Variants in MAN1A2 observed in about 807,000 individuals in gnomAD.
MAN1A2 encodes mannosidase alpha class 1A member 2, also known as mannosyl-oligosaccharide 1,2-alpha-mannosidase IB.
MAN1A2 carries 26 observed loss-of-function variants against 75.7 expected under a neutral mutation model. That is an observed-to-expected ratio of 0.34 (90% confidence interval 0.25 to 0.48). The LOEUF is 0.48. Ranked by LOEUF, MAN1A2 falls within the 20% of genes least tolerant of loss-of-function variation. MAN1A2 has a pLI of 0.99. For synonymous variants in MAN1A2, 247 were observed against 264.6 expected (o/e 0.93, Z 0.65); for missense variants, 562 against 775.5 (o/e 0.72, Z 3.27).
intron 5 of MAN1A2, among the ~76,000 whole-genome samples, chr1:117,438,203 T>C (rs1372735952): frequency 6.6e-6 from 1 of 152,188 alleles, no homozygotes; most frequent in Non-Finnish European, 1.5e-5. Flanking sequence ...ATCCTGACCC[T>C]GTGTAGGCCT....
At chr1:117,487,485 G>T (rs1650748703) in intron 8 of MAN1A2, among the ~76,000 whole-genome samples, 1 of 151,982 alleles carries the variant, frequency 6.6e-6, no homozygotes, top group Non-Finnish European at 1.5e-5. Context: ...AAAACTAAAA[G>T]CTATACAAGA....
Position 117,384,543 on chromosome 1 carries a change from C to T in MAN1A2, c.302+16058C>T, listed in dbSNP as rs564238555. Among the ~76,000 whole-genome samples, 8 of 152,226 alleles carry T rather than the reference C, an allele frequency of 5.3e-5. No individual in the cohort carries two copies. In the South Asian group the frequency reaches 1.7e-3, roughly 32 times the overall value. ...ATGTGGTCTGTCCTGGAGAATATTT[C>T]ATATGCACTTGAGAAGAATGTCTGT... On this transcript the variant is annotated intron_variant, in intron 1 of 12. Transcript: ENST00000356554.
chr1:117,465,616 A>G (rs1649957571), intron 7 of MAN1A2, among the ~76,000 whole-genome samples: 1 of 152,130 alleles, frequency 6.6e-6, no homozygotes, highest in African/African-American at 2.4e-5. Context: ...ATCAAATGTA[A>G]TGACAATATT....
chr1:117,474,184 A>G (rs1350545363), intron 8 of MAN1A2, among the ~76,000 whole-genome samples: 1 of 151,962 alleles, frequency 6.6e-6, no homozygotes, highest in African/African-American at 2.4e-5. Context: ...AAAGGATCCA[A>G]ACTTATTTGA....
At chr1:117,396,982 G>A (rs1653923746) in intron 1 of MAN1A2, among the ~76,000 whole-genome samples, 1 of 151,766 alleles carries the variant, frequency 6.6e-6, no homozygotes, top group Non-Finnish European at 1.5e-5. Flanking sequence ...GTGAGGCATG[G>A]GCAGAGATGG....
chr1:117,499,500 A>G lies in MAN1A2; in HGVS notation c.1623A>G (p.Leu541=), dbSNP rs145127835. Residue 541 remains leucine (L), a synonymous_variant, in exon 11 of 13, where the codon CTA becomes CTG. Transcript: ENST00000356554. ...AAGTAATTGAAACCTATTGGTACCT[A>G]TGGCGATTCACTCACGATCCAAGAT... ...RPEVIETYWY[L]WRFTHDPRYR... is the part of the protein sequence containing the mutation. 1.2e-6 allele frequency: 2 copies of G among 1,608,196 alleles called. No homozygotes were observed. Among genetic ancestry groups the G allele is most frequent in the South Asian group, 2.2e-5 (2 of 90,394 alleles).
rs890115550 is a variant in MAN1A2 at position 117,525,181 on chromosome 1, G to A, written c.*2224G>A. ...CTGAAGCTTAAGAGAAGGCAGGGAA[G>A]TATACAAGCAGAGCCAGTTCTGGTA... On this transcript the variant is annotated 3_prime_UTR_variant, in exon 13 of 13. Transcript: ENST00000356554. 1.9e-6 allele frequency: 1 copy of A among 514,924 alleles called. No individual in the cohort carries two copies. The highest frequency in any genetic ancestry group is 4.0e-6 in the Non-Finnish European group (1 of 250,346). 31.9% of individuals were successfully genotyped at this position (514,924 alleles called of 1,614,324 possible).
chr1:117,374,710 GTTC>G (rs2101717401), intron 1 of MAN1A2, among the ~76,000 whole-genome samples: 1 of 152,240 alleles, frequency 6.6e-6, no homozygotes, highest in Admixed American at 6.5e-5. Flanking sequence ...GTGCCTCGAT[GTTC>G]TTATTTATGA....
intron 5 of MAN1A2, among the ~76,000 whole-genome samples, chr1:117,437,523 G>T (rs1648884091): frequency 6.6e-6 from 1 of 152,102 alleles, no homozygotes; most frequent in African/African-American, 2.4e-5. Flanking sequence ...TAAAAATTAA[G>T]ATTAGATAAT....
chr1:117,523,458 GTATAAT>G lies in MAN1A2; in HGVS notation c.*506_*511del. ...TAAAATAAACAAGAACAAAAGAATA[GTATAAT>G]TATATCAGTAACAAGAAGACTCAAA... On this transcript the variant is annotated 3_prime_UTR_variant, in exon 13 of 13. Transcript: ENST00000356554. The G allele has an allele frequency of 3.4e-6, 1 of 293,564 alleles. No homozygotes were observed. Among genetic ancestry groups the G allele is most frequent in the Non-Finnish European group, 6.8e-6 (1 of 146,934 alleles). The allele number at this position is 293,564 out of a possible 1,614,324, so 18.2% of individuals were successfully genotyped here. A position where few individuals can be genotyped will look rare whatever the true frequency, so the allele number is the denominator to read the frequency against.
chr1:117,399,969 T>C (rs2256057), intron 1 of MAN1A2, among the ~76,000 whole-genome samples: 119,938 of 152,092 alleles, frequency 0.79, 47,807 homozygotes, highest in African/African-American at 0.9. Flanking sequence ...GGGTTAGTAG[T>C]ACCGTGTTTT....
intron 6 of MAN1A2, among the ~76,000 whole-genome samples, chr1:117,448,070 T>C (rs531528899): frequency 1.0e-3 from 157 of 152,280 alleles, no homozygotes; most frequent in African/African-American, 3.8e-3. Flanking sequence ...TGTTCTCCCA[T>C]CTGCTTGTAT....
chr1:117,455,837 A>G (rs1479381791), intron 6 of MAN1A2, among the ~76,000 whole-genome samples: 1 of 151,918 alleles, frequency 6.6e-6, no homozygotes, highest in Non-Finnish European at 1.5e-5. Flanking sequence ...TAAATTTTAA[A>G]TCATGAGTAT....
At chr1:117,383,605 G>A (rs1653424562) in intron 1 of MAN1A2, among the ~76,000 whole-genome samples, 1 of 151,930 alleles carries the variant, frequency 6.6e-6, no homozygotes, top group Admixed American at 6.6e-5. Context: ...TATTTTGGGT[G>A]GTTTTTGCTT....
Position 117,499,450 on chromosome 1 carries a change from G to A in MAN1A2, c.1573G>A (p.Glu525Lys). Reference sequence around the variant, plus strand: ...GGAGGCTGTGGCTGTCCGGCAGGCTGAAAAGTATTATATCCTCCGTCCAGA... The same window carrying A: ...GGAGGCTGTGGCTGTCCGGCAGGCTAAAAAGTATTATATCCTCCGTCCAGA... ...AVEAVAVRQA[E>K]KYYILRPEVI... is the part of the protein sequence containing the mutation. Residue 525 changes from glutamate to lysine, a missense_variant, in exon 11 of 13, where the codon GAA becomes AAA. By Grantham distance (56) the Glu-to-Lys change is moderately conservative. Transcript: ENST00000356554. 1 of 1,607,168 alleles carries A rather than the reference G, an allele frequency of 6.2e-7. No individual in the cohort carries two copies. Among genetic ancestry groups the A allele is most frequent in the Non-Finnish European group, 8.5e-7 (1 of 1,176,794 alleles).
intron 2 of MAN1A2, among the ~76,000 whole-genome samples, chr1:117,403,585 A>G (rs137994149): frequency 4.9e-4 from 75 of 152,330 alleles, no homozygotes; most frequent in African/African-American, 1.7e-3. Flanking sequence ...TACCCACGGA[A>G]CTCAGCATAT....
In MAN1A2 at chr1:117,394,884, T is replaced by A. The variant is rs1010888833; in HGVS notation, c.303-7302T>A. ...TTGAGGGGAGTTTTTATTTATTTTT[T>A]AAGGACGGGTGAAACTTCATATTTG... On this transcript the variant is annotated intron_variant, in intron 1 of 12. Coordinates refer to ENST00000356554, the MANE Select transcript of MAN1A2 (RefSeq NM_006699.5). Among the ~76,000 whole-genome samples, 25 of 152,192 alleles carry A rather than the reference T, an allele frequency of 1.6e-4. 1 individual carries two copies. Among genetic ancestry groups the A allele is most frequent in the Admixed American group, 1.5e-3 (23 of 15,280 alleles).
intron 5 of MAN1A2, among the ~76,000 whole-genome samples, chr1:117,428,402 A>G (rs1648450743): frequency 6.6e-6 from 1 of 152,104 alleles, no homozygotes; most frequent in Non-Finnish European, 1.5e-5. Flanking sequence ...AATGAAAGCC[A>G]CTGTGCCCTG....
chr1:117,411,217 G>A (rs990156681), intron 3 of MAN1A2, among the ~76,000 whole-genome samples: 25 of 151,702 alleles, frequency 1.6e-4, no homozygotes, highest in African/African-American at 5.8e-4. Flanking sequence ...TACAATTCAG[G>A]ACAGTATGGT....
Sources: allele counts gnomAD v4.1 joint callset (sites outside exome capture counted in the v4.1 genomes callset), GRCh38; gene constraint gnomAD v4.1.1; transcripts MANE v1.5; gene names NCBI Gene and HGNC (gene_info 2026-07-23, HGNC 2026-07-21).